Variants in RIPOR2 observed in about 807,000 individuals in gnomAD.
The protein encoded by RIPOR2 is RHO family interacting cell polarization regulator 2, also known as rho family-interacting cell polarization regulator 2.
RIPOR2 carries 39 observed loss-of-function variants against 114.5 expected under a neutral mutation model. That is an observed-to-expected ratio of 0.34 (90% CI 0.26 to 0.44). The LOEUF (loss-of-function observed/expected upper bound fraction) is 0.44. Ranked by LOEUF, RIPOR2 falls within the 20% of genes least tolerant of loss-of-function variation. The probability of loss-of-function intolerance (pLI) is 1.00; values close to 1 mark genes in which losing one functional copy is unlikely to be tolerated. For missense variants in RIPOR2, 1,007 were observed against 1,255.1 expected (o/e 0.80, Z 2.99); for synonymous variants, 445 against 484.4 (o/e 0.92, Z 1.07).
chr6:25,015,289 G>A (rs1775916989), intron 1 of RIPOR2: 1 of 152,270 alleles, frequency 6.6e-6, no homozygotes, highest in South Asian at 2.1e-4. Flanking sequence ...AGTCTGATAA[G>A]CATCGTGTCA....
chr6:25,040,516 T>A (rs936252160), intron 1 of RIPOR2, among the ~76,000 whole-genome samples: 1 of 152,064 alleles, frequency 6.6e-6, no homozygotes, highest in Non-Finnish European at 1.5e-5. Flanking sequence ...ACATTGGTAT[T>A]ACATATTTAA....
intron 1 of RIPOR2, among the ~76,000 whole-genome samples, chr6:24,968,871 C>T (rs1773650733): frequency 6.6e-6 from 1 of 152,152 alleles, no homozygotes; most frequent in Non-Finnish European, 1.5e-5. Context: ...CAATAGAAAC[C>T]CTGCGTGACA....
chr6:24,969,099 G>T (rs1773659085), intron 1 of RIPOR2, among the ~76,000 whole-genome samples: 1 of 152,188 alleles, frequency 6.6e-6, no homozygotes, highest in Non-Finnish European at 1.5e-5. Flanking sequence ...TTAAAGTTTA[G>T]CTTGCATCAG....
At position 24,865,302 on chromosome 6, in the gene RIPOR2, T is replaced by C; in HGVS notation, c.650A>G (p.Glu217Gly). 6.2e-7 allele frequency: 1 copy of C among 1,611,864 alleles called. No individual in the cohort carries two copies. Among genetic ancestry groups the C allele is most frequent in the Non-Finnish European group, 8.5e-7 (1 of 1,178,668 alleles). ...EINRSFKEYT[E>G]NMCTIEVELE... The stretch of plus-strand genomic sequence containing the variant: ...CTTAAGCAGGTTAGGGAGTTATACC[T>C]CTGTGTACTCCTTGAAGCTCCGATT... Residue 217 changes from glutamate (E) to glycine (G), a missense_variant and splice_region_variant, in exon 7 of 22, where the codon GAG becomes GGG. Transcript: ENST00000643898.
chr6:25,006,484 C>T (rs1042651074), intron 1 of RIPOR2, among the ~76,000 whole-genome samples: 3 of 152,184 alleles, frequency 2.0e-5, no homozygotes, highest in Non-Finnish European at 4.4e-5. Context: ...ATCTCTCTTG[C>T]CACCTCACCC....
chr6:24,877,504 A>C (rs1765917367), intron 1 of RIPOR2: 2 of 210,372 alleles, frequency 9.5e-6, no homozygotes, highest in African/African-American at 4.7e-5. Context: ...AGAAGTACGT[A>C]TGAGCAGTAA....
chr6:24,878,178 C>T (rs1765987247), intron 1 of RIPOR2, among the ~76,000 whole-genome samples: 1 of 152,194 alleles, frequency 6.6e-6, no homozygotes, highest in Admixed American at 6.5e-5. Context: ...TGAAGAGAAA[C>T]TTGGGGTTCA....
intron 6 of RIPOR2, among the ~76,000 whole-genome samples, chr6:24,868,133 G>A (rs1764808239): frequency 6.6e-6 from 1 of 152,170 alleles, no homozygotes. Context: ...TTCAAAGCAA[G>A]AATGTACGAA....
chr6:24,921,541 A>G (rs1770487827), intron 1 of RIPOR2, among the ~76,000 whole-genome samples: 1 of 151,870 alleles, frequency 6.6e-6, no homozygotes, highest in Non-Finnish European at 1.5e-5. Context: ...AGACCTCCAT[A>G]TGTTCAGACC....
In RIPOR2 at chr6:24,867,675, T is replaced by C. The variant is rs550604979; in HGVS notation, c.501+1419A>G. ...GTGTAGTGAGAAAGTTTATTCTTTG[T>C]TTTTGCTTAAATATCAACCTATCCT... On this transcript the variant is annotated intron_variant, in intron 6 of 21. Coordinates refer to ENST00000643898, the MANE Select transcript of RIPOR2 (RefSeq NM_001286445.3). 1.2e-4 allele frequency among the ~76,000 whole-genome samples: 18 copies of C among 152,324 alleles called. No individual in the cohort carries two copies. In the South Asian group the frequency reaches 2.1e-3, roughly 18 times the overall value.
At chr6:24,941,253 AAGG>A (rs1353950492) in intron 1 of RIPOR2, among the ~76,000 whole-genome samples, 2 of 152,144 alleles carry the variant, frequency 1.3e-5, no homozygotes, top group South Asian at 2.1e-4. Context: ...CTTACGAAAG[AAGG>A]AGAAGAACCC....
In RIPOR2 at chr6:24,968,617, A is replaced by G. The variant is rs77914091; in HGVS notation, c.76+73234T>C. Among the ~76,000 whole-genome samples the G allele has an allele frequency of 4.1e-3, 621 of 152,318 alleles. 23 individuals carry two copies. The highest frequency in any genetic ancestry group is 0.035 in the Admixed American group (534 of 15,296). Reference sequence around the variant, plus strand: ...GATGAGAGGTTGCCACTGGCATCTAATAGGTAGAGGCCAAGGATGCTGCTA... The same window carrying G: ...GATGAGAGGTTGCCACTGGCATCTAGTAGGTAGAGGCCAAGGATGCTGCTA... On this transcript the variant is annotated intron_variant, in intron 1 of 13. Transcript: ENST00000510784.
At chr6:24,926,727 G>A (rs944777603) in intron 1 of RIPOR2, among the ~76,000 whole-genome samples, 1 of 152,088 alleles carries the variant, frequency 6.6e-6, no homozygotes, top group Non-Finnish European at 1.5e-5. Flanking sequence ...GAAAATCGCC[G>A]TTACATAATA....
chr6:24,889,005 C>T (rs932681869), intron 1 of RIPOR2, among the ~76,000 whole-genome samples: 1 of 152,190 alleles, frequency 6.6e-6, no homozygotes, highest in Admixed American at 6.5e-5. Context: ...CAGTTACATT[C>T]GTCATTTTAT....
intron 1 of RIPOR2, among the ~76,000 whole-genome samples, chr6:25,003,384 CATTATTATTATTATTATTATT>C (rs57985459): frequency 1.4e-5 from 2 of 143,866 alleles, no homozygotes; most frequent in African/African-American, 2.6e-5. Flanking sequence ...AGAATTAACA[CATTATTATTATTATTATTATT>C]ATTATTATTA....
chr6:24,900,655 G>A (rs1046937559), intron 1 of RIPOR2, among the ~76,000 whole-genome samples: 4 of 152,114 alleles, frequency 2.6e-5, no homozygotes, highest in Admixed American at 2.0e-4. Context: ...CTACTCAGGA[G>A]GCTGAAATGG....
chr6:24,840,057 C>T (rs1452925489), intron 13 of RIPOR2: 2 of 776,362 alleles, frequency 2.6e-6, no homozygotes, highest in African/African-American at 2.0e-5. Flanking sequence ...TTAAGCAATC[C>T]TCTCACCTTA....
chr6:24,807,716 T>G (rs1006622865), intron 21 of RIPOR2, among the ~76,000 whole-genome samples: 8 of 152,068 alleles, frequency 5.3e-5, no homozygotes, highest in African/African-American at 1.9e-4. Context: ...TATAGAACAA[T>G]CCCATCACCA....
chr6:24,806,304 C>A lies in RIPOR2; in HGVS notation c.*69G>T. On this transcript the variant is annotated 3_prime_UTR_variant, in exon 22 of 22. Coordinates refer to ENST00000643898, the MANE Select transcript of RIPOR2 (RefSeq NM_001286445.3). ...TCTCAGGCTCTAAACAATTTCCAGC[C>A]CAAACCACAGCACCATCCTGATGAA... is the stretch of plus-strand genomic sequence containing the variant. 1 of 1,150,474 alleles carries A rather than the reference C, an allele frequency of 8.7e-7. No individual in the cohort carries two copies. Among genetic ancestry groups the A allele is most frequent in the Admixed American group, 2.2e-5 (1 of 45,630 alleles). 71.3% of individuals were successfully genotyped at this position (1,150,474 alleles called of 1,614,324 possible). A position where few individuals can be genotyped will look rare whatever the true frequency, so the allele number is the denominator to read the frequency against.
Sources: gnomAD v4.1 joint callset for allele counts (sites outside exome capture counted in the v4.1 genomes callset) on GRCh38, gnomAD v4.1.1 for gene constraint, MANE v1.5 for transcripts, NCBI Gene and HGNC (gene_info 2026-07-23, HGNC 2026-07-21) for gene names.